TAB2: variants seen among roughly 807,000 people sequenced by gnomAD.
TAB2 encodes TGF-beta-activated kinase 1 and MAP3K7-binding protein 2.
Under a neutral mutation model 65.0 loss-of-function variants are expected in TAB2, and 3 were observed. The ratio of observed to expected loss-of-function variants is 0.05; its 90% CI spans 0.02 to 0.12. The LOEUF (loss-of-function observed/expected upper bound fraction) is 0.12, where lower values mean the gene tolerates loss of function less well. Ranked by LOEUF, TAB2 falls within the 10% of genes least tolerant of loss-of-function variation. The pLI is 1.00. For synonymous variants in TAB2, 298 were observed against 285.1 expected, an observed-to-expected ratio of 1.05 and a Z score of -0.46; for missense variants, 623 against 840.3, an observed-to-expected ratio of 0.74 and a Z score of 3.20.
intron 1 of TAB2, among the ~76,000 whole-genome samples, chr6:149,287,801 G>T (rs182401560): frequency 1.3e-5 from 2 of 152,270 alleles, no homozygotes; most frequent in East Asian, 3.9e-4. Context: ...CTGAACATTT[G>T]CTCAAGTGGA....
At chr6:149,322,050 A>T (rs568718667) in intron 1 of TAB2, among the ~76,000 whole-genome samples, 294 of 152,250 alleles carry the variant, frequency 1.9e-3, no homozygotes, top group Middle Eastern at 6.8e-3. Flanking sequence ...TAATAAAGAG[A>T]AAGGAACTAA....
intron 3 of TAB2, among the ~76,000 whole-genome samples, chr6:149,386,458 C>G (rs1031509205): frequency 4.6e-5 from 7 of 152,084 alleles, no homozygotes; most frequent in African/African-American, 1.7e-4. Context: ...CCATTACCCC[C>G]CACCCTCACT....
At chr6:149,312,180 G>A (rs1359496996) in intron 1 of TAB2, among the ~76,000 whole-genome samples, 2 of 152,020 alleles carry the variant, frequency 1.3e-5, no homozygotes, top group East Asian at 1.9e-4. Context: ...TAACAACTTC[G>A]GGTGCTTCTC....
chr6:149,309,563 A>G (rs1259406074), intron 1 of TAB2, among the ~76,000 whole-genome samples: 3 of 151,620 alleles, frequency 2.0e-5, no homozygotes, highest in Non-Finnish European at 4.4e-5. Flanking sequence ...CGCCCGGCTA[A>G]TTTTTTTGTA....
chr6:149,371,030 C>T (rs1399200039), intron 2 of TAB2, among the ~76,000 whole-genome samples: 2 of 124,650 alleles, frequency 1.6e-5, no homozygotes, highest in Non-Finnish European at 3.2e-5. Context: ...CGCGCCACTA[C>T]ACTCCAGCCT....
At chr6:149,356,035 G>A (rs1208313394) in intron 1 of TAB2, among the ~76,000 whole-genome samples, 1 of 152,156 alleles carries the variant, frequency 6.6e-6, no homozygotes, top group Non-Finnish European at 1.5e-5. Flanking sequence ...ATGACAAAGT[G>A]ATATATTGGG....
chr6:149,379,034 C>A lies in TAB2; in HGVS notation c.1119C>A (p.Pro373=), dbSNP rs748911208. ...CCACTGTTTACATAGCTGCCAGCCCCCCAAATACGGATGAGCTGATGTCCC... is the reference window on the plus strand; with the variant it reads ...CCACTGTTTACATAGCTGCCAGCCCACCAAATACGGATGAGCTGATGTCCC... The part of the protein sequence containing the change: ...NQPTVYIAAS[P]PNTDELMSRS... Residue 373 remains proline (P), a synonymous_variant, in exon 3 of 7, where the codon CCC becomes CCA. Transcript: ENST00000637181. 6.2e-7 allele frequency: 1 copy of A among 1,614,188 alleles called. No individual in the cohort carries two copies. The highest frequency in any genetic ancestry group is 1.1e-5 in the South Asian group (1 of 91,080).
chr6:149,317,488 C>G (rs1779288208), upstream of TAB2: 1 of 162,070 alleles, frequency 6.2e-6, no homozygotes, highest in African/African-American at 2.4e-5. This position sits in a 1 kb window ranked among gnomAD's most constrained non-coding sequence, Gnocchi z 4.7. Flanking sequence ...CAGCCGCCGC[C>G]TCAGCCGCGG....
At chr6:149,219,617 CAA>C (rs1156959555) in intron 1 of TAB2, among the ~76,000 whole-genome samples, 1 of 152,158 alleles carries the variant, frequency 6.6e-6, no homozygotes, top group Non-Finnish European at 1.5e-5. Context: ...GTTTTGTTTT[CAA>C]AGTTACCCAG....
At chr6:149,250,374 C>A (rs758468320) in intron 1 of TAB2, among the ~76,000 whole-genome samples, 1 of 151,950 alleles carries the variant, frequency 6.6e-6, no homozygotes, top group African/African-American at 2.4e-5. Context: ...GGCGCAATCT[C>A]GGCTCACTGC....
At position 149,357,430 on chromosome 6, in the gene TAB2, A is replaced by AAAAAAAAACACACACAC; in HGVS notation, c.-89-12478_-89-12477insAAAAAAACACACACACA. The stretch of plus-strand genomic sequence containing the variant: ...GACTCCGTCTCAAGGAGAAAAAAAA[A>AAAAAAAAACACACACAC]ACACACACACACACACACACACACA... On this transcript the variant is annotated intron_variant, in intron 1 of 6. Coordinates refer to ENST00000637181, the MANE Select transcript of TAB2 (RefSeq NM_001292034.3). Among the ~76,000 whole-genome samples, 301 of 111,130 alleles carry AAAAAAAAACACACACAC rather than the reference A, an allele frequency of 2.7e-3. 3 individuals carry two copies. Among genetic ancestry groups the AAAAAAAAACACACACAC allele is most frequent in the African/African-American group, 6.2e-3 (180 of 29,168 alleles). 72.9% of individuals were successfully genotyped at this position (111,130 alleles called of 152,430 possible).
intron 1 of TAB2, among the ~76,000 whole-genome samples, chr6:149,250,749 C>T (rs755016668): frequency 2.0e-5 from 3 of 152,172 alleles, no homozygotes; most frequent in Non-Finnish European, 4.4e-5. Context: ...TTACCAGGTA[C>T]GTTGAATTGA....
chr6:149,273,144 C>T (rs1778395753), intron 1 of TAB2, among the ~76,000 whole-genome samples: 1 of 152,070 alleles, frequency 6.6e-6, no homozygotes, highest in African/African-American at 2.4e-5. Flanking sequence ...TGCTGTTAAA[C>T]ATCCTACAAG....
intron 1 of TAB2, among the ~76,000 whole-genome samples, chr6:149,237,703 G>C (rs1777521068): frequency 6.6e-6 from 1 of 152,206 alleles, no homozygotes; most frequent in African/African-American, 2.4e-5. Flanking sequence ...GAACACCCCA[G>C]GGTGCCCCAC....
intron 1 of TAB2, among the ~76,000 whole-genome samples, chr6:149,358,542 C>G (rs1369892569): frequency 6.6e-6 from 1 of 151,914 alleles, no homozygotes; most frequent in Admixed American, 6.6e-5. Context: ...TCTTTTCTCT[C>G]TGATTGTTTT....
At chr6:149,379,604 A>T in intron 3 of TAB2, 86 bp downstream of exon 3, 1 of 1,299,064 alleles carries the variant, frequency 7.7e-7, no homozygotes, top group Admixed American at 1.7e-5. Context: ...GGATGTTAGC[A>T]TTGTTATTTC....
chr6:149,254,059 G>GCGGAAGGA (rs1777941371), intron 1 of TAB2, among the ~76,000 whole-genome samples: 1 of 103,662 alleles, frequency 9.6e-6, no homozygotes, highest in African/African-American at 3.7e-5. Flanking sequence ...GGGAGAGAGG[G>GCGGAAGGA]AGGAAGGAAG....
At chr6:149,297,899 G>A (rs1778905292) in intron 1 of TAB2, among the ~76,000 whole-genome samples, 1 of 152,070 alleles carries the variant, frequency 6.6e-6, no homozygotes, top group Non-Finnish European at 1.5e-5. Flanking sequence ...ATGAAATATT[G>A]ATATTTCTGC....
chr6:149,228,040 C>T (rs532658162), intron 1 of TAB2, among the ~76,000 whole-genome samples: 99 of 151,970 alleles, frequency 6.5e-4, no homozygotes, highest in Non-Finnish European at 1.2e-3. Context: ...TTGAGTGAAA[C>T]GTCCCACCAT....
Sources: gnomAD v4.1 joint callset for allele counts (sites outside exome capture counted in the v4.1 genomes callset) on GRCh38, gnomAD v4.1.1 for gene constraint, Gnocchi (gnomAD v3.1) non-coding constraint, MANE v1.5 for transcripts, NCBI Gene and HGNC (gene_info 2026-07-23, HGNC 2026-07-21) for gene names.